Variants in CENPP observed in about 807,000 individuals in gnomAD.
CENPP encodes centromere protein P.
In CENPP, 24 loss-of-function variants were observed where a neutral mutation model predicts 35.6. That is an observed-to-expected ratio of 0.67 (90% CI 0.49 to 0.95). CENPP has a LOEUF of 0.95. CENPP is among the 40% of genes least tolerant of loss of function. CENPP has a pLI of 0.00. For synonymous variants in CENPP, 120 were observed against 125.5 expected, an observed-to-expected ratio of 0.96 and a Z score of 0.29; for missense variants, 332 against 345.3, an observed-to-expected ratio of 0.96 and a Z score of 0.31.
Position 92,616,018 on chromosome 9 carries a change from C to A in CENPP, c.*2869C>A, listed in dbSNP as rs1284892960. The A allele has an allele frequency of 6.8e-6, 11 of 1,614,164 alleles. No homozygotes were observed. The highest frequency in any genetic ancestry group is 2.2e-5 in the East Asian group (1 of 44,888). On this transcript the variant is annotated 3_prime_UTR_variant, in exon 8 of 8. Transcript: ENST00000375587. Reference sequence around the variant, plus strand: ...CCAGCACAGACACGGAAAAGGCAAACCTGGACCTCGATGAAGGGACGACAG... The same window carrying A: ...CCAGCACAGACACGGAAAAGGCAAAACTGGACCTCGATGAAGGGACGACAG...
At chr9:92,424,090 G>A (rs1322305373) in intron 5 of CENPP, 1 of 151,998 alleles carries the variant, frequency 6.6e-6, no homozygotes, top group African/African-American at 2.4e-5. Flanking sequence ...TCCAAAAATT[G>A]TGCTTTTGTA....
Position 92,618,647 on chromosome 9 carries a change from GGAGTTTTCAACTAAATA to G in CENPP, c.*5501_*5517del, listed in dbSNP as rs1851525053. ...GTAGGTATTTCCTTAGGGGATAACA[GGAGTTTTCAACTAAATA>G]GAACAACCTTTTTTCTACTTCAGTT... On this transcript the variant is annotated 3_prime_UTR_variant, in exon 8 of 8. Coordinates refer to ENST00000375587, the MANE Select transcript of CENPP (RefSeq NM_001012267.3). 3 of 442,122 alleles carry G rather than the reference GGAGTTTTCAACTAAATA, an allele frequency of 6.8e-6. No individual in the cohort carries two copies. The highest frequency in any genetic ancestry group is 1.4e-5 in the Non-Finnish European group (3 of 217,484). 27.4% of individuals were successfully genotyped at this position (442,122 alleles called of 1,614,324 possible). A position where few individuals can be genotyped will look rare whatever the true frequency, so the allele number is the denominator to read the frequency against.
At chr9:92,375,901 G>A (rs1340986351) in intron 4 of CENPP, among the ~76,000 whole-genome samples, 4 of 138,158 alleles carry the variant, frequency 2.9e-5, no homozygotes, top group Non-Finnish European at 6.3e-5. Context: ...TTGTTTCTTT[G>A]CATGCTTAGT....
chr9:92,371,083 T>G (rs192216124), intron 4 of CENPP, among the ~76,000 whole-genome samples: 161 of 152,194 alleles, frequency 1.1e-3, no homozygotes, highest in African/African-American at 3.7e-3. Flanking sequence ...ATTATTTATT[T>G]GCTTATTTAT....
At position 92,618,176 on chromosome 9, in the gene CENPP, C is replaced by T. The variant is rs1461815268; in HGVS notation, c.*5027C>T. 1 of 454,112 alleles carries T rather than the reference C, an allele frequency of 2.2e-6. No individual in the cohort carries two copies. The highest frequency in any genetic ancestry group is 7.0e-5 in the East Asian group (1 of 14,332). 28.1% of individuals were successfully genotyped at this position (454,112 alleles called of 1,614,324 possible). A position where few individuals can be genotyped will look rare whatever the true frequency, so the allele number is the denominator to read the frequency against. ...CACGCCATGTTCTCGGAGGAGAAGC[C>T]TTCTCTGAGATCCTCTCCTTTTGTT... On this transcript the variant is annotated 3_prime_UTR_variant, in exon 8 of 8. Transcript: ENST00000375587.
At chr9:92,386,390 T>C (rs1842422923) in intron 5 of CENPP, 1 of 752,010 alleles carries the variant, frequency 1.3e-6, no homozygotes, top group South Asian at 1.5e-5. Context: ...TATATGTCTA[T>C]ATATACAGAC....
intron 5 of CENPP, among the ~76,000 whole-genome samples, chr9:92,521,233 CTT>C (rs924475436): frequency 6.6e-6 from 1 of 152,048 alleles, no homozygotes; most frequent in Non-Finnish European, 1.5e-5. Context: ...CATATAAAAA[CTT>C]TTTTTTAAAC....
chr9:92,365,324 AATCAT>A (rs1841859342), intron 4 of CENPP, among the ~76,000 whole-genome samples: 1 of 151,980 alleles, frequency 6.6e-6, no homozygotes, highest in Admixed American at 6.6e-5. Context: ...TGCCTGGCCT[AATCAT>A]ATCAGTTTGT....
At chr9:92,338,392 A>T (rs2130790099) in intron 3 of CENPP, among the ~76,000 whole-genome samples, 1 of 152,292 alleles carries the variant, frequency 6.6e-6, no homozygotes, top group African/African-American at 2.4e-5. Context: ...TGTAGTACCA[A>T]AATCCACGGA....
chr9:92,456,990 A>G, intron 5 of CENPP: 1 of 1,130,382 alleles, frequency 8.8e-7, no homozygotes, highest in Non-Finnish European at 1.1e-6. Flanking sequence ...AGTGTTAAAT[A>G]CCGAATATCT....
intron 5 of CENPP, among the ~76,000 whole-genome samples, chr9:92,482,763 A>G (rs1845953596): frequency 6.6e-6 from 1 of 152,260 alleles, no homozygotes; most frequent in South Asian, 2.1e-4. Context: ...CTCAACCTGT[A>G]TAGACTAATA....
At chr9:92,566,217 T>C (rs1435594986) in intron 5 of CENPP, among the ~76,000 whole-genome samples, 1 of 151,860 alleles carries the variant, frequency 6.6e-6, no homozygotes, top group Non-Finnish European at 1.5e-5. Flanking sequence ...AGGGAATTGC[T>C]TGAACCCAGG....
chr9:92,447,857 A>T (rs968913519), intron 5 of CENPP, among the ~76,000 whole-genome samples: 3 of 152,144 alleles, frequency 2.0e-5, no homozygotes, highest in Admixed American at 6.6e-5. Context: ...TAGGGACCTT[A>T]TGAGTTCGAA....
intron 5 of CENPP, among the ~76,000 whole-genome samples, chr9:92,516,209 AC>A (rs1260361026): frequency 6.6e-6 from 1 of 151,640 alleles, no homozygotes; most frequent in Admixed American, 6.6e-5. Flanking sequence ...GATTACAGGC[AC>A]CCCACCACCA....
intron 5 of CENPP, among the ~76,000 whole-genome samples, chr9:92,395,277 T>C (rs1426692197): frequency 1.3e-5 from 2 of 152,192 alleles, no homozygotes; most frequent in East Asian, 3.8e-4. Context: ...GAATTTTATA[T>C]TAAAAGAATC....
chr9:92,522,443 A>G, intron 5 of CENPP: 1 of 1,059,924 alleles, frequency 9.4e-7, no homozygotes, highest in South Asian at 2.0e-5. Flanking sequence ...AAGTAATATA[A>G]TAACCTGGAT....
In CENPP at chr9:92,469,379, G is replaced by A. The variant is rs1389376257; in HGVS notation, c.564+89520G>A. On this transcript the variant is annotated intron_variant, in intron 5 of 7. Transcript: ENST00000375587. ...TGTAGGGAGGCTTGATGCAAGGATT[G>A]AGCATCCCTCAGTCTGCCTTAAGTA... 2.0e-5 allele frequency among the ~76,000 whole-genome samples: 3 copies of A among 152,242 alleles called. No homozygotes were observed. The South Asian group carries it at 6.2e-4, about 32-fold the overall frequency.
At chr9:92,500,514 CAT>C (rs1196132594) in intron 5 of CENPP, among the ~76,000 whole-genome samples, 6 of 152,238 alleles carry the variant, frequency 3.9e-5, no homozygotes, top group African/African-American at 7.2e-5. Flanking sequence ...AATTTATAAA[CAT>C]GTGCAAAAGT....
chr9:92,539,399 T>C (rs960464344), intron 5 of CENPP, among the ~76,000 whole-genome samples: 2 of 123,950 alleles, frequency 1.6e-5, no homozygotes, highest in African/African-American at 6.1e-5. Flanking sequence ...TTGAAGCCAG[T>C]TGATTAGGGT....
Sources: allele counts gnomAD v4.1 joint callset (sites outside exome capture counted in the v4.1 genomes callset), GRCh38; gene constraint gnomAD v4.1.1; transcripts MANE v1.5; gene names NCBI Gene and HGNC (gene_info 2026-07-23, HGNC 2026-07-21).